The following CHD7 variants were observed in gnomAD, a reference collection of about 807,000 sequenced individuals.
CHD7 encodes the protein chromodomain helicase DNA binding protein 7.
A neutral mutation model predicts 307.3 loss-of-function variants in CHD7; 24 were observed. The observed-to-expected ratio is 0.08, with a 90% CI of 0.06 to 0.11. The LOEUF (loss-of-function observed/expected upper bound fraction) is 0.11. Among genes scored for constraint, CHD7 ranks in the 10% least tolerant of loss-of-function variants. The pLI, the probability that CHD7 is intolerant of heterozygous loss-of-function variation, is 1.00. For missense variants in CHD7, 3,106 were observed against 3,727.1 expected (o/e 0.83, Z 4.34); for synonymous variants, 1,363 against 1,349.9 (o/e 1.01, Z -0.21).
chr8:60,815,857 C>T (rs1803713545), intron 7 of CHD7, among the ~76,000 whole-genome samples: 1 of 152,138 alleles, frequency 6.6e-6, no homozygotes, highest in Non-Finnish European at 1.5e-5. Flanking sequence ...CCTTTGGGAC[C>T]AGTATGATAG....
chr8:60,797,964 T>G (rs539091596), intron 4 of CHD7, among the ~76,000 whole-genome samples: 1 of 152,356 alleles, frequency 6.6e-6, no homozygotes, highest in South Asian at 2.1e-4. Flanking sequence ...TACCATGTAC[T>G]GTTCTAAAAG....
rs774034274 is a variant in CHD7 at position 60,801,549 on chromosome 8, C to T, written c.2398C>T (p.Pro800Ser). The change falls in exon 6 of 38, where the codon CCA becomes TCA. Residue 800 changes from proline (P) to serine (S), a missense_variant. Pro to Ser is a moderately conservative substitution (Grantham distance 74). Transcript: ENST00000423902. The stretch of plus-strand genomic sequence containing the variant: ...TTAGGAATCTGTTGATGCAGAAGGC[C>T]CAGTGGTAGAAAAAATTATGAGCAG... ...EQQESVDAEG[P>S]VVEKIMSSRS... 2 of 1,573,990 alleles carry T rather than the reference C, an allele frequency of 1.3e-6. No homozygotes were observed. The highest frequency in any genetic ancestry group is 2.3e-5 in the South Asian group (2 of 85,536).
intron 4 of CHD7, 73 bp downstream of exon 4, chr8:60,795,200 A>G (rs573303573): frequency 2.1e-6 from 3 of 1,397,494 alleles, no homozygotes; most frequent in East Asian, 4.6e-5. Flanking sequence ...TGAAGTACAC[A>G]AGACCTCCCC....
intron 1 of CHD7, among the ~76,000 whole-genome samples, chr8:60,691,978 A>G (rs1041999415): frequency 1.3e-5 from 2 of 152,092 alleles, no homozygotes; most frequent in Non-Finnish European, 2.9e-5. Context: ...ATTGAATTAA[A>G]TCTCCCTGGG....
rs1003346329 is a variant in CHD7 at position 60,866,710 on chromosome 8, A to G, written c.*777A>G. 6.5e-6 allele frequency: 1 copy of G among 152,694 alleles called. No homozygotes were observed. Among genetic ancestry groups the G allele is most frequent in the African/African-American group, 2.4e-5 (1 of 41,474 alleles). The allele number at this position is 152,694 out of a possible 1,614,324, so 9.5% of individuals were successfully genotyped here. On this transcript the variant is annotated 3_prime_UTR_variant, in exon 38 of 38. Coordinates refer to ENST00000423902, the MANE Select transcript of CHD7 (RefSeq NM_017780.4). ...ACTTTGTTACTTTAGCCACAAAGCT[A>G]AAACAGCATTACCTCAGCTCTAAAC...
chr8:60,822,800 TA>T (rs533189867), intron 12 of CHD7, 54 bp downstream of exon 12: 206 of 1,416,386 alleles, frequency 1.5e-4, no homozygotes, highest in South Asian at 4.6e-4. Context: ...TTTAAGGTGT[TA>T]AAAAAAAATC....
chr8:60,750,328 G>C (rs1809573162), intron 2 of CHD7, among the ~76,000 whole-genome samples: 2 of 152,202 alleles, frequency 1.3e-5, no homozygotes. Context: ...TGCCTGTTAT[G>C]TGCCAAGGAC....
At chr8:60,778,105 A>AGGGGGGGGGGGGGGGG (rs144776599) in intron 2 of CHD7, among the ~76,000 whole-genome samples, 1 of 81,638 alleles carries the variant, frequency 1.2e-5, no homozygotes, top group Admixed American at 1.4e-4. Context: ...TGGGGGGTGG[A>AGGGGGGGGGGGGGGGG]GGGGGGGACA....
intron 2 of CHD7, among the ~76,000 whole-genome samples, chr8:60,748,021 C>CTAA: frequency 6.6e-6 from 1 of 152,302 alleles, no homozygotes; most frequent in Middle Eastern, 3.4e-3. Flanking sequence ...AGTTGTTTGA[C>CTAA]TTTACATCCT....
At chr8:60,745,545 C>G (rs527911610) in intron 2 of CHD7, among the ~76,000 whole-genome samples, 12 of 152,310 alleles carry the variant, frequency 7.9e-5, no homozygotes, top group African/African-American at 2.4e-4. Flanking sequence ...TAGGCAAACT[C>G]AGGACCTTTA....
At chr8:60,707,366 T>C (rs1807072110) in intron 1 of CHD7, among the ~76,000 whole-genome samples, 2 of 152,280 alleles carry the variant, frequency 1.3e-5, no homozygotes, top group South Asian at 2.1e-4. Context: ...ATTTGCTTGC[T>C]TTCCCTGAGT....
intron 34 of CHD7, 40 bp from the exon 35 acceptor site, chr8:60,860,864 T>A (rs1563668945): frequency 1.4e-6 from 2 of 1,471,744 alleles, no homozygotes; most frequent in South Asian, 2.4e-5. Context: ...AGAGGCTCTC[T>A]CTTCGTGTGA....
chr8:60,797,555 A>T (rs965066208), intron 4 of CHD7, among the ~76,000 whole-genome samples: 3 of 152,222 alleles, frequency 2.0e-5, no homozygotes, highest in African/African-American at 7.2e-5. Flanking sequence ...CCAGTTACTT[A>T]TATGGCACAA....
chr8:60,734,325 C>T (rs939585210), intron 1 of CHD7, among the ~76,000 whole-genome samples: 1 of 152,164 alleles, frequency 6.6e-6, no homozygotes, highest in African/African-American at 2.4e-5. Flanking sequence ...GAGTCTGCGT[C>T]TCTTACCAGC....
chr8:60,691,938 A>G (rs749621033), intron 1 of CHD7, among the ~76,000 whole-genome samples: 1 of 152,218 alleles, frequency 6.6e-6, no homozygotes, highest in African/African-American at 2.4e-5. Context: ...CTTGTTAAAA[A>G]TGCAGATTCC....
intron 1 of CHD7, among the ~76,000 whole-genome samples, chr8:60,685,583 T>C (rs749206898): frequency 1.3e-5 from 2 of 152,234 alleles, no homozygotes; most frequent in Non-Finnish European, 2.9e-5. Flanking sequence ...TTTTAGAAGT[T>C]GGTTGTAGTC....
chr8:60,720,655 A>G lies in CHD7; in HGVS notation c.-174-20604A>G, dbSNP rs115140489. ...TGCACCCTTCTCCGTTCTGGTAGAG[A>G]GAGAGTAAAGGCTAAGACGGCTGTC... is the stretch of plus-strand genomic sequence containing the variant. On this transcript the variant is annotated intron_variant, in intron 1 of 37. Transcript: ENST00000423902. 2.7e-3 allele frequency among the ~76,000 whole-genome samples: 416 copies of G among 152,236 alleles called. 1 individual carries two copies. The highest frequency in any genetic ancestry group is 9.6e-3 in the African/African-American group (397 of 41,534).
chr8:60,840,066 A>G (rs1804903474), intron 19 of CHD7, among the ~76,000 whole-genome samples: 1 of 152,184 alleles, frequency 6.6e-6, no homozygotes, highest in Non-Finnish European at 1.5e-5. Context: ...CAGTTAGCAT[A>G]ATGTTATTCA....
At chr8:60,769,959 A>C (rs923443547) in intron 2 of CHD7, among the ~76,000 whole-genome samples, 1 of 152,236 alleles carries the variant, frequency 6.6e-6, no homozygotes, top group African/African-American at 2.4e-5. Flanking sequence ...AAATGTTAAG[A>C]TGTGAAAAGC....
Sources: gnomAD v4.1 joint callset for allele counts (sites outside exome capture counted in the v4.1 genomes callset) on GRCh38, gnomAD v4.1.1 for gene constraint, MANE v1.5 for transcripts, NCBI Gene and HGNC (gene_info 2026-07-23, HGNC 2026-07-21) for gene names.